The following LRRC3B variants were observed in gnomAD, a reference collection of about 807,000 sequenced individuals.
LRRC3B encodes the protein leucine rich repeat containing 3B, also known as leucine-rich repeat-containing protein 3B.
In LRRC3B, 2 loss-of-function variants were observed where a neutral mutation model predicts 12.8. That is an observed-to-expected ratio of 0.16 (90% CI 0.06 to 0.49). LRRC3B has a LOEUF of 0.49. Among genes scored for constraint, LRRC3B ranks in the 20% least tolerant of loss-of-function variants. The pLI is 0.96. For synonymous variants in LRRC3B, 132 were observed against 122.0 expected (o/e 1.08, Z -0.54); for missense variants, 189 against 319.4 (o/e 0.59, Z 3.11).
At position 26,636,874 on chromosome 3, in the gene LRRC3B, CT is replaced by C. The variant is rs1559350134; in HGVS notation, c.-161+13639del. On this transcript the variant is annotated intron_variant, in intron 1 of 1. Coordinates refer to ENST00000396641, the Ensembl canonical transcript of LRRC3B. ...CCTCCCTCCCTCCCTCCCTTCCTTCCTTCCTTCCTTCCTTTCTCTCTCTCTC... is the reference window on the plus strand; with the variant it reads ...CCTCCCTCCCTCCCTCCCTTCCTTCCTCCTTCCTTCCTTTCTCTCTCTCTC... 8.4e-5 allele frequency among the ~76,000 whole-genome samples: 9 copies of C among 107,430 alleles called. 1 individual carries two copies. The highest frequency in any genetic ancestry group is 4.0e-4 in the African/African-American group (9 of 22,502). 70.5% of individuals were successfully genotyped at this position (107,430 alleles called of 152,430 possible).
At chr3:26,668,860 T>A (rs951180803) in intron 1 of LRRC3B, among the ~76,000 whole-genome samples, 1 of 152,182 alleles carries the variant, frequency 6.6e-6, no homozygotes, top group African/African-American at 2.4e-5. Context: ...CTGGAATGCC[T>A]TCTATAAGTC....
At chr3:26,707,783 T>A (rs79985733) in intron 1 of LRRC3B, among the ~76,000 whole-genome samples, 44,571 of 151,938 alleles carry the variant, frequency 0.29, 7,054 homozygotes, top group Middle Eastern at 0.41. Context: ...CCTGTTTTTT[T>A]TTTTCTTTCC....
At chr3:26,675,691 G>A (rs1289065999) in intron 1 of LRRC3B, among the ~76,000 whole-genome samples, 1 of 152,084 alleles carries the variant, frequency 6.6e-6, no homozygotes, top group East Asian at 1.9e-4. Context: ...ACTCAGGTTG[G>A]CAAACAGGTA....
intron 1 of LRRC3B, among the ~76,000 whole-genome samples, chr3:26,626,288 TAA>T (rs1698624360): frequency 1.3e-5 from 2 of 152,174 alleles, no homozygotes; most frequent in South Asian, 4.1e-4. Flanking sequence ...AATAGGAAGG[TAA>T]ATGGAAGGAG....
At chr3:26,626,385 C>G (rs903411727) in intron 1 of LRRC3B, among the ~76,000 whole-genome samples, 3 of 152,170 alleles carry the variant, frequency 2.0e-5, no homozygotes, top group African/African-American at 7.2e-5. Flanking sequence ...AAATGAAAGC[C>G]TCTCTCTGAA....
intron 1 of LRRC3B, among the ~76,000 whole-genome samples, chr3:26,682,474 T>G (rs1207012725): frequency 1.3e-5 from 2 of 152,184 alleles, no homozygotes; most frequent in African/African-American, 2.4e-5. Flanking sequence ...GGTTGCTGTC[T>G]CAAGTCACCT....
At chr3:26,662,857 GGTTTGTTTAT>G (rs768453713) in intron 1 of LRRC3B, among the ~76,000 whole-genome samples, 1 of 152,010 alleles carries the variant, frequency 6.6e-6, no homozygotes, top group Non-Finnish European at 1.5e-5. Context: ...GCCTGAAATT[GGTTTGTTTAT>G]TTTCCTGTTG....
chr3:26,656,928 TTC>T (rs754103762), intron 1 of LRRC3B, among the ~76,000 whole-genome samples: 152 of 152,268 alleles, frequency 1.0e-3, no homozygotes, highest in Non-Finnish European at 1.9e-3. Context: ...AGAATCCAAG[TTC>T]AGATTCTTTT....
intron 1 of LRRC3B, among the ~76,000 whole-genome samples, chr3:26,658,310 G>C (rs1437013916): frequency 6.6e-6 from 1 of 152,056 alleles, no homozygotes; most frequent in Non-Finnish European, 1.5e-5. Flanking sequence ...TGCCCGCCTC[G>C]GCCTCCCAGA....
intron 1 of LRRC3B, among the ~76,000 whole-genome samples, chr3:26,640,121 C>A (rs1575118071): frequency 6.6e-6 from 1 of 152,136 alleles, no homozygotes; most frequent in Non-Finnish European, 1.5e-5. Context: ...TAGGAAACTG[C>A]ATTTTTGTTA....
At chr3:26,705,263 C>A (rs892368898) in intron 1 of LRRC3B, among the ~76,000 whole-genome samples, 3 of 152,018 alleles carry the variant, frequency 2.0e-5, no homozygotes, top group Non-Finnish European at 4.4e-5. Flanking sequence ...ACCTGGATGG[C>A]AAGAAAATAT....
chr3:26,643,253 T>A (rs1200878812), intron 1 of LRRC3B, among the ~76,000 whole-genome samples: 1 of 121,862 alleles, frequency 8.2e-6, no homozygotes, highest in Admixed American at 9.3e-5. Context: ...CACATATGTG[T>A]GAGTGTGTGT....
intron 1 of LRRC3B, among the ~76,000 whole-genome samples, chr3:26,647,731 G>T (rs913760820): frequency 6.6e-6 from 1 of 152,110 alleles, no homozygotes; most frequent in Non-Finnish European, 1.5e-5. Context: ...GGAATTTGAA[G>T]CAAGAGAAAA....
At chr3:26,636,851 T>A (rs1698888624) in intron 1 of LRRC3B, among the ~76,000 whole-genome samples, 1 of 87,736 alleles carries the variant, frequency 1.1e-5, no homozygotes, top group African/African-American at 5.2e-5. Context: ...CCTCCCTCCC[T>A]CCCTCCCTCC....
At chr3:26,692,605 TC>T (rs1700214287) in intron 1 of LRRC3B, among the ~76,000 whole-genome samples, 1 of 152,226 alleles carries the variant, frequency 6.6e-6, no homozygotes. Flanking sequence ...AAATGAGGTT[TC>T]TATTATACTT....
intron 1 of LRRC3B, among the ~76,000 whole-genome samples, chr3:26,642,532 A>C (rs1263602921): frequency 6.6e-6 from 1 of 152,208 alleles, no homozygotes; most frequent in African/African-American, 2.4e-5. Context: ...AGAGTCTCTG[A>C]GAATGACTTG....
chr3:26,670,835 A>G (rs1575145173), intron 1 of LRRC3B, among the ~76,000 whole-genome samples: 1 of 152,276 alleles, frequency 6.6e-6, no homozygotes, highest in East Asian at 1.9e-4. Context: ...GGTATTGGGG[A>G]CATAATAAAA....
intron 1 of LRRC3B, among the ~76,000 whole-genome samples, chr3:26,669,892 G>A (rs1316957461): frequency 1.3e-5 from 2 of 152,178 alleles, no homozygotes; most frequent in African/African-American, 2.4e-5. Flanking sequence ...CCTTGAGGAT[G>A]GGGACTGGCT....
intron 1 of LRRC3B, among the ~76,000 whole-genome samples, chr3:26,697,257 G>T (rs746613825): frequency 1.3e-5 from 2 of 152,120 alleles, no homozygotes; most frequent in Non-Finnish European, 2.9e-5. Context: ...AATTTTGGGG[G>T]TATGGCCACA....
Sources: gnomAD v4.1 joint callset for allele counts (sites outside exome capture counted in the v4.1 genomes callset) on GRCh38, gnomAD v4.1.1 for gene constraint, MANE v1.5 for transcripts, NCBI Gene and HGNC (gene_info 2026-07-23, HGNC 2026-07-21) for gene names.